Variants in SYNPO observed in about 807,000 individuals in gnomAD.
SYNPO encodes the protein synaptopodin.
SYNPO carries 19 observed loss-of-function variants against 49.5 expected under a neutral mutation model. The observed-to-expected ratio is 0.38, with a 90% CI of 0.27 to 0.56. The LOEUF is 0.56. Ranked by LOEUF, SYNPO falls within the 20% of genes least tolerant of loss-of-function variation. The pLI, the probability that SYNPO is intolerant of heterozygous loss-of-function variation, is 0.68. For synonymous variants in SYNPO, 536 were observed against 548.0 expected, an observed-to-expected ratio of 0.98 and a Z score of 0.31; for missense variants, 1,131 against 1,248.3, an observed-to-expected ratio of 0.91 and a Z score of 1.42.
At position 150,656,421 on chromosome 5, in the gene SYNPO, GC is replaced by G; in HGVS notation, c.2049del (p.Thr684ProfsTer16). On this transcript the variant is annotated frameshift_variant, in exon 3 of 3. Transcript: ENST00000307662. LOFTEE classifies it high-confidence loss of function. Reference sequence around the variant, plus strand: ...CTCCCCAGGACCGCCGGGAGAGCCTGCCCACCTCCCCACCCTGGACGCCGGG... The same window carrying G: ...CTCCCCAGGACCGCCGGGAGAGCCTGCCACCTCCCCACCCTGGACGCCGGG... ...IEAQDRRESL[P>X]TSPPWTPGAS... is the part of the protein sequence containing the mutation. 6.5e-7 allele frequency: 1 copy of G among 1,529,668 alleles called. No individual in the cohort carries two copies. The highest frequency in any genetic ancestry group is 8.7e-7 in the Non-Finnish European group (1 of 1,144,318). The allele number at this position is 1,529,668 out of a possible 1,614,324, so 94.8% of individuals were successfully genotyped here.
Position 150,648,747 on chromosome 5 carries a change from G to T in SYNPO, c.472G>T (p.Asp158Tyr). The stretch of plus-strand genomic sequence containing the variant: ...GGTGAGATGCAGCACACTCCTAATT[G>T]ACAAGGTATCAACTCCAGCTACCAC... ...EEVRCSTLLI[D>Y]KVSTPATTTS... The change falls in exon 2 of 3, where the codon GAC becomes TAC. Residue 158 changes from aspartate (D) to tyrosine (Y), a missense_variant. Asp to Tyr is a radical substitution (Grantham distance 160, BLOSUM62 -3). Around this residue, in one of 4 missense-constraint regions of SYNPO, gnomAD observed 602 missense variants for 720.7 expected, o/e 0.84. Coordinates refer to ENST00000307662, the MANE Select transcript of SYNPO (RefSeq NM_007286.6). This position sits in a 1 kb window ranked among gnomAD's most constrained non-coding sequence, Gnocchi z 5.0. 6.2e-7 allele frequency: 1 copy of T among 1,614,174 alleles called. No individual in the cohort carries two copies. Among genetic ancestry groups the T allele is most frequent in the East Asian group, 2.2e-5 (1 of 44,882 alleles).
intron 1 of SYNPO, among the ~76,000 whole-genome samples, chr5:150,642,524 C>T (rs1334968667): frequency 6.6e-6 from 1 of 151,862 alleles, no homozygotes; most frequent in African/African-American, 2.4e-5. Flanking sequence ...TCCCCACCCC[C>T]ACCTTTGACA....
chr5:150,622,381 GA>G (rs1436943124), intron 2 of SYNPO, among the ~76,000 whole-genome samples: 1 of 152,200 alleles, frequency 6.6e-6, no homozygotes, highest in Admixed American at 6.5e-5. Flanking sequence ...CTGGGGCTGG[GA>G]AAAGGTTGTT....
chr5:150,596,045 G>A, the SYNPO span, among the ~76,000 whole-genome samples: 1 of 152,348 alleles, frequency 6.6e-6, no homozygotes, highest in East Asian at 1.9e-4. Context: ...TTGTTTACAG[G>A]CTTGCCCCTA....
intron 2 of SYNPO, among the ~76,000 whole-genome samples, chr5:150,654,821 T>G (rs1290755005): frequency 6.6e-6 from 1 of 152,242 alleles, no homozygotes; most frequent in Non-Finnish European, 1.5e-5. Flanking sequence ...GGTCTTTCCC[T>G]AAGTCCAACT....
chr5:150,609,269 G>T (rs546675172), intron 1 of SYNPO, among the ~76,000 whole-genome samples: 2 of 152,274 alleles, frequency 1.3e-5, no homozygotes, highest in East Asian at 3.9e-4. Context: ...GGTAGGCATG[G>T]TTAAGCATTT....
At chr5:150,635,659 C>T (rs1252590364) in intron 2 of SYNPO, among the ~76,000 whole-genome samples, 1 of 152,108 alleles carries the variant, frequency 6.6e-6, no homozygotes, top group Non-Finnish European at 1.5e-5. Context: ...GACGGGGTTT[C>T]ACCATGTTGG....
chr5:150,606,568 C>A (rs1293122732), intron 1 of SYNPO, among the ~76,000 whole-genome samples: 1 of 152,264 alleles, frequency 6.6e-6, no homozygotes, highest in Non-Finnish European at 1.5e-5. Flanking sequence ...GAGCACTGGG[C>A]TCTTGCTCTG....
At chr5:150,604,177 A>AG (rs1428087857) in intron 1 of SYNPO, among the ~76,000 whole-genome samples, 1 of 152,204 alleles carries the variant, frequency 6.6e-6, no homozygotes, top group East Asian at 1.9e-4. Flanking sequence ...GGGCAAACAG[A>AG]GATCTGCTTC....
chr5:150,615,297 G>A (rs1354006832), intron 1 of SYNPO: 2 of 152,212 alleles, frequency 1.3e-5, no homozygotes, highest in Non-Finnish European at 2.9e-5. Flanking sequence ...TATTTGTGTG[G>A]GTGGCGGAAA....
intron 2 of SYNPO, chr5:150,652,025 G>C: frequency 1.0e-6 from 1 of 1,000,612 alleles, no homozygotes; most frequent in Non-Finnish European, 1.2e-6. Context: ...TGGAGGCAGT[G>C]CCCATGCTGG....
intron 1 of SYNPO, among the ~76,000 whole-genome samples, chr5:150,602,452 G>C (rs1756569021): frequency 6.6e-6 from 1 of 152,176 alleles, no homozygotes; most frequent in Admixed American, 6.5e-5. Flanking sequence ...CTACATTAGG[G>C]AAAGGTGTCT....
At chr5:150,652,118 T>A in intron 2 of SYNPO, 1 of 1,001,658 alleles carries the variant, frequency 1.0e-6, no homozygotes, top group South Asian at 4.7e-5. Context: ...TTCACACAGA[T>A]CGAGGGGGTA....
chr5:150,592,042 A>G, the SYNPO span, among the ~76,000 whole-genome samples: 2 of 152,150 alleles, frequency 1.3e-5, no homozygotes, highest in African/African-American at 4.8e-5. Context: ...GCGCATGCCT[A>G]TAATCCCAGC....
chr5:150,588,424 G>C, the SYNPO span, among the ~76,000 whole-genome samples: 1 of 152,190 alleles, frequency 6.6e-6, no homozygotes, highest in African/African-American at 2.4e-5. Context: ...CTGCCAGGGG[G>C]AACTTCCCCT....
chr5:150,589,293 A>G, the SYNPO span, among the ~76,000 whole-genome samples: 4 of 152,054 alleles, frequency 2.6e-5, no homozygotes, highest in African/African-American at 9.7e-5. Context: ...TGAACTCCTG[A>G]CCTCAAGTGA....
At chr5:150,644,670 G>A (rs573479954) in intron 1 of SYNPO, among the ~76,000 whole-genome samples, 7 of 152,320 alleles carry the variant, frequency 4.6e-5, no homozygotes, top group African/African-American at 1.4e-4. Context: ...AAGGTCACAC[G>A]GCTAGCAAAT....
intron 1 of SYNPO, among the ~76,000 whole-genome samples, chr5:150,613,682 T>C (rs1756910448): frequency 6.6e-6 from 1 of 152,138 alleles, no homozygotes; most frequent in South Asian, 2.1e-4. Flanking sequence ...TAGAGAGCCA[T>C]GGGCAGTGGG....
At chr5:150,619,388 T>C (rs951151004) in intron 2 of SYNPO, among the ~76,000 whole-genome samples, 1 of 152,104 alleles carries the variant, frequency 6.6e-6, no homozygotes, top group African/African-American at 2.4e-5. Flanking sequence ...GGTTTTTCAT[T>C]TGTTAGAGGT....
Sources: allele counts gnomAD v4.1 joint callset (sites outside exome capture counted in the v4.1 genomes callset), GRCh38; gene constraint gnomAD v4.1.1; regional missense constraint gnomAD v4.1.1; non-coding constraint Gnocchi (gnomAD v3.1); transcripts MANE v1.5; gene names NCBI Gene and HGNC (gene_info 2026-07-23, HGNC 2026-07-21).